The following NCOR2 variants were observed in gnomAD, a reference collection of about 807,000 sequenced individuals.
NCOR2 encodes the protein nuclear receptor corepressor 2.
In NCOR2, 81 loss-of-function variants were observed where a neutral mutation model predicts 262.9. That is an observed-to-expected ratio of 0.31 (90% CI 0.26 to 0.37). The LOEUF is 0.37. NCOR2 is among the 10% of genes least tolerant of loss of function. The probability of loss-of-function intolerance (pLI) is 1.00; values close to 1 mark genes in which losing one functional copy is unlikely to be tolerated. For missense variants in NCOR2, 3,385 were observed against 3,621.4 expected (o/e 0.93, Z 1.68); for synonymous variants, 1,659 against 1,559.3 (o/e 1.06, Z -1.51).
At chr12:124,368,134 A>G (rs952931593) in intron 20 of NCOR2, among the ~76,000 whole-genome samples, 4 of 152,196 alleles carry the variant, frequency 2.6e-5, no homozygotes, top group African/African-American at 9.7e-5. Context: ...CGGTTTCTCA[A>G]TCTGGAGAGT....
intron 32 of NCOR2, 72 bp downstream of exon 34, chr12:124,344,525 A>T: frequency 7.5e-7 from 1 of 1,328,582 alleles, no homozygotes; most frequent in Non-Finnish European, 9.9e-7. Flanking sequence ...AACTAAGCTA[A>T]TGGTGGATGG....
At chr12:124,326,847 ACT>A (rs59751499) in intron 45 of NCOR2, among the ~76,000 whole-genome samples, 20,513 of 151,868 alleles carry the variant, frequency 0.14, 1,631 homozygotes, top group East Asian at 0.41. Flanking sequence ...GACAACTGCA[ACT>A]CTCTCCTCAG....
chr12:124,491,341 A>G (rs939323083), intron 1 of NCOR2, among the ~76,000 whole-genome samples: 1 of 152,240 alleles, frequency 6.6e-6, no homozygotes, highest in Non-Finnish European at 1.5e-5. Flanking sequence ...TGCACCTACC[A>G]ACTAATTGGA....
At chr12:124,539,188 C>CTGGG (rs2051213733), upstream of NCOR2, 1 of 152,506 alleles carries the variant, frequency 6.6e-6, no homozygotes, top group East Asian at 1.9e-4. This position sits in a 1 kb window ranked among gnomAD's most constrained non-coding sequence, Gnocchi z 5.1. Context: ...CTCAGCCCCG[C>CTGGG]AGCAGCAGGT....
intron 1 of NCOR2, among the ~76,000 whole-genome samples, chr12:124,544,398 G>C (rs974930330): frequency 6.6e-6 from 1 of 152,222 alleles, no homozygotes. Flanking sequence ...CCTCTGCCCC[G>C]GGCTGCCCGC....
At chr12:124,355,445 C>G in exon 24 of NCOR2, 1 of 1,613,498 alleles carries the variant, frequency 6.2e-7, no homozygotes, top group Non-Finnish European at 8.5e-7. Context: ...GGAGATGGCA[C>G]CTATTTGCCT....
chr12:124,365,433 T>C (rs948444728), intron 20 of NCOR2, among the ~76,000 whole-genome samples: 2 of 152,210 alleles, frequency 1.3e-5, no homozygotes, highest in Admixed American at 1.3e-4. Context: ...ATCTCCTTCC[T>C]GCAGATGAGC....
intron 22 of NCOR2, among the ~76,000 whole-genome samples, chr12:124,360,142 C>T (rs1043216240): frequency 1.3e-5 from 2 of 152,220 alleles, no homozygotes; most frequent in African/African-American, 2.4e-5. Context: ...TCAGATCTGA[C>T]GCTGGCCAAA....
At chr12:124,344,636 G>A in exon 32 of NCOR2, 2 of 1,473,368 alleles carry the variant, frequency 1.4e-6, no homozygotes, top group Non-Finnish European at 1.8e-6. Flanking sequence ...GTGGTCACGG[G>A]CGAACCTCGT....
chr12:124,422,987 T>C (rs561318139), intron 11 of NCOR2, among the ~76,000 whole-genome samples: 11 of 152,234 alleles, frequency 7.2e-5, no homozygotes, highest in African/African-American at 2.4e-4. Context: ...AGTGGGGTCA[T>C]AGCTCACCAG....
chr12:124,485,389 A>T (rs2047718553), intron 2 of NCOR2, among the ~76,000 whole-genome samples: 3 of 152,230 alleles, frequency 2.0e-5, no homozygotes, highest in Admixed American at 6.5e-5. Context: ...AGGCAGAGGC[A>T]GAGATTGGAC....
chr12:124,426,321 T>G (rs1267267915), intron 11 of NCOR2, among the ~76,000 whole-genome samples: 1 of 152,178 alleles, frequency 6.6e-6, no homozygotes, highest in Non-Finnish European at 1.5e-5. Context: ...ACAAAGGTCA[T>G]GTGGGGTCGA....
chr12:124,398,085 C>T (rs1168409230), intron 16 of NCOR2, 34 bp downstream of exon 18: 3 of 1,613,556 alleles, frequency 1.9e-6, no homozygotes, highest in Non-Finnish European at 2.5e-6. Flanking sequence ...TGGATGCAAA[C>T]CAACAAGGCT....
At chr12:124,352,637 G>A (rs1477287192) in intron 27 of NCOR2, among the ~76,000 whole-genome samples, 1 of 152,170 alleles carries the variant, frequency 6.6e-6, no homozygotes, top group Non-Finnish European at 1.5e-5. Context: ...CCAAAATGCT[G>A]GGTTGACAGG....
intron 44 of NCOR2, among the ~76,000 whole-genome samples, chr12:124,330,424 A>G (rs1247788207): frequency 6.6e-6 from 1 of 152,276 alleles, no homozygotes; most frequent in Non-Finnish European, 1.5e-5. Context: ...AAGGCTTCCC[A>G]GTTCCCTGGC....
chr12:124,521,209 C>G (rs1291652747), intron 1 of NCOR2, among the ~76,000 whole-genome samples: 4 of 152,240 alleles, frequency 2.6e-5, no homozygotes, highest in Admixed American at 2.6e-4. Context: ...CACTCACTTC[C>G]TCCCCACACA....
Position 124,531,672 on chromosome 12 carries a change from C to T in NCOR2, c.-118+3893G>A, listed in dbSNP as rs1208007133. Among the ~76,000 whole-genome samples the T allele has an allele frequency of 6.6e-6, 1 of 152,048 alleles. No individual in the cohort carries two copies. Among genetic ancestry groups the T allele is most frequent in the Non-Finnish European group, 1.5e-5 (1 of 67,956 alleles). On this transcript the variant is annotated intron_variant, in intron 1 of 46. Coordinates refer to the NCOR2 transcript ENST00000404621. The surrounding 1 kb of genome is among the most constrained non-coding windows in gnomAD (Gnocchi z 4.5). ...GGCCCTGAATTGCTCTCCTCCCCACCCAAGCAGGGCCCAGGGCCCCGTCCA... is the reference window on the plus strand; with the variant it reads ...GGCCCTGAATTGCTCTCCTCCCCACTCAAGCAGGGCCCAGGGCCCCGTCCA...
chr12:124,553,699 G>GT (rs1566054882), intron 1 of NCOR2, among the ~76,000 whole-genome samples: 1 of 152,036 alleles, frequency 6.6e-6, no homozygotes. Context: ...TTTGAGCAAC[G>GT]TTTTTTTTCT....
At chr12:124,398,454 T>C (rs1183904038) in intron 15 of NCOR2, among the ~76,000 whole-genome samples, 1 of 152,182 alleles carries the variant, frequency 6.6e-6, no homozygotes, top group Non-Finnish European at 1.5e-5. Context: ...CACAAGCCGC[T>C]GAAGTCGGGG....
Sources: allele counts gnomAD v4.1 joint callset (sites outside exome capture counted in the v4.1 genomes callset), GRCh38; gene constraint gnomAD v4.1.1; non-coding constraint Gnocchi (gnomAD v3.1); transcripts MANE v1.5; gene names NCBI Gene and HGNC (gene_info 2026-07-23, HGNC 2026-07-21).